The following COL21A1 variants were observed in gnomAD, a reference collection of about 807,000 sequenced individuals.
COL21A1 encodes collagen type XXI alpha 1 chain, also known as collagen alpha-1(XXI) chain.
COL21A1 carries 149 observed loss-of-function variants against 137.9 expected under a neutral mutation model. The observed-to-expected ratio is 1.08, with a 90% CI of 0.95 to 1.24. The LOEUF is 1.24. Ranked by LOEUF, COL21A1 falls within the 50% of genes most tolerant of loss-of-function variation. The probability of loss-of-function intolerance (pLI) is 0.00; values close to 1 mark genes in which losing one functional copy is unlikely to be tolerated. For missense variants in COL21A1, 1,167 were observed against 1,158.4 expected (o/e 1.01, Z -0.11); for synonymous variants, 456 against 391.5 (o/e 1.16, Z -1.95).
At chr6:56,200,761 C>T (rs559986887) in intron 1 of COL21A1, among the ~76,000 whole-genome samples, 2 of 152,186 alleles carry the variant, frequency 1.3e-5, no homozygotes, top group South Asian at 2.1e-4. Context: ...CTGCAATAAA[C>T]ATATGGGTGC....
intron 17 of COL21A1, among the ~76,000 whole-genome samples, chr6:56,096,256 T>C (rs957514860): frequency 3.3e-5 from 5 of 152,178 alleles, no homozygotes; most frequent in African/African-American, 1.2e-4. Flanking sequence ...CCTATGTTCA[T>C]ACCATTCATA....
At chr6:56,086,267 T>G (rs1416234897) in intron 17 of COL21A1, among the ~76,000 whole-genome samples, 1 of 152,060 alleles carries the variant, frequency 6.6e-6, no homozygotes, top group Admixed American at 6.6e-5. Flanking sequence ...ACACGATTTT[T>G]ATATACAGTT....
chr6:56,057,782 T>C lies in COL21A1; in HGVS notation c.2749A>G (p.Lys917Glu), dbSNP rs1162759515. Residue 917 changes from lysine to glutamate, a missense_variant, in exon 30 of 30, where the codon AAA becomes GAA. Lys to Glu is a moderately conservative substitution (Grantham distance 56). Transcript: ENST00000244728. Reference sequence around the variant, plus strand: ...CCAGGTTTTCCATGGTCTCCATCTTTGCCAGGGAGACCTGGGTCTCCTGGA... The same window carrying C: ...CCAGGTTTTCCATGGTCTCCATCTTCGCCAGGGAGACCTGGGTCTCCTGGA... ...GPPGDPGLPG[K>E]DGDHGKPGIQ... 12 of 1,606,666 alleles carry C rather than the reference T, an allele frequency of 7.5e-6. No individual in the cohort carries two copies. The highest frequency in any genetic ancestry group is 9.3e-6 in the Non-Finnish European group (11 of 1,176,774).
At chr6:56,255,481 C>G (rs574263883) in intron 1 of COL21A1, among the ~76,000 whole-genome samples, 2 of 151,990 alleles carry the variant, frequency 1.3e-5, no homozygotes, top group Non-Finnish European at 2.9e-5. Context: ...ATCTCTAGAA[C>G]TTGTCTTCAG....
chr6:56,292,257 T>A (rs978364853), intron 1 of COL21A1, among the ~76,000 whole-genome samples: 4 of 152,200 alleles, frequency 2.6e-5, no homozygotes, highest in African/African-American at 9.6e-5. Flanking sequence ...TTAGATATTT[T>A]CTTGCCTGTT....
intron 1 of COL21A1, among the ~76,000 whole-genome samples, chr6:56,224,318 G>A (rs557553685): frequency 6.6e-6 from 1 of 152,178 alleles, no homozygotes; most frequent in African/African-American, 2.4e-5. Context: ...AAAATCTCAG[G>A]CTCATAGTTC....
At chr6:56,356,802 A>G (rs1322543892) in intron 1 of COL21A1, among the ~76,000 whole-genome samples, 1 of 152,204 alleles carries the variant, frequency 6.6e-6, no homozygotes. Context: ...CAAAAATAAC[A>G]TCAAAAGTTC....
chr6:56,235,357 C>A, intron 1 of COL21A1, among the ~76,000 whole-genome samples: 1 of 151,846 alleles, frequency 6.6e-6, no homozygotes, highest in Non-Finnish European at 1.5e-5. Context: ...TTTGTTTTGA[C>A]TGGATCTGAA....
At chr6:56,154,811 C>T (rs998372678) in intron 10 of COL21A1, among the ~76,000 whole-genome samples, 9 of 152,192 alleles carry the variant, frequency 5.9e-5, no homozygotes, top group Non-Finnish European at 8.8e-5. Context: ...GCCCCAACAA[C>T]CACACAACAT....
At chr6:56,069,792 CTTA>C (rs1766588841) in intron 21 of COL21A1, among the ~76,000 whole-genome samples, 1 of 150,542 alleles carries the variant, frequency 6.6e-6, no homozygotes, top group East Asian at 1.9e-4. Flanking sequence ...TAATAAAATT[CTTA>C]TTGTTAAACA....
At chr6:56,099,344 C>A (rs572586288) in intron 17 of COL21A1, among the ~76,000 whole-genome samples, 3 of 151,124 alleles carry the variant, frequency 2.0e-5, no homozygotes, top group African/African-American at 4.9e-5. Flanking sequence ...CACCATTCTC[C>A]GGCCTCAGCC....
At chr6:56,160,958 G>A (rs2152264305) in intron 9 of COL21A1, among the ~76,000 whole-genome samples, 1 of 152,236 alleles carries the variant, frequency 6.6e-6, no homozygotes, top group South Asian at 2.1e-4. Context: ...TCTGACCTAA[G>A]ACCTATTCCA....
chr6:56,343,251 C>CA (rs1365455965), intron 1 of COL21A1, among the ~76,000 whole-genome samples: 1 of 152,020 alleles, frequency 6.6e-6, no homozygotes, highest in Non-Finnish European at 1.5e-5. Flanking sequence ...AAAAGATCCA[C>CA]AAAAAAGCTT....
At chr6:56,079,898 T>C (rs1767597098) in intron 17 of COL21A1, among the ~76,000 whole-genome samples, 1 of 151,538 alleles carries the variant, frequency 6.6e-6, no homozygotes, top group African/African-American at 2.4e-5. Context: ...AAACAAAACA[T>C]AGGCCTGATT....
At chr6:56,068,759 G>GA (rs533879912) in intron 22 of COL21A1, 167 of 210,680 alleles carry the variant, frequency 7.9e-4, no homozygotes, top group African/African-American at 3.5e-3. Flanking sequence ...CCTGGTTTGT[G>GA]AAAAAAACCT....
chr6:56,164,929 A>C, intron 7 of COL21A1, 107 bp from the exon 8 acceptor site: 2 of 939,464 alleles, frequency 2.1e-6, no homozygotes, highest in Non-Finnish European at 1.5e-6. Flanking sequence ...TATATGAAGT[A>C]TGAAAACCAA....
At chr6:56,069,635 G>C (rs770093960) in intron 21 of COL21A1, among the ~76,000 whole-genome samples, 6 of 149,484 alleles carry the variant, frequency 4.0e-5, no homozygotes, top group Non-Finnish European at 8.9e-5. Context: ...CACATATATA[G>C]TTAATAAAAT....
At chr6:56,276,945 C>G (rs1489288697) in intron 1 of COL21A1, 1 of 355,610 alleles carries the variant, frequency 2.8e-6, no homozygotes, top group East Asian at 5.1e-5. Flanking sequence ...GTAGCTGGGA[C>G]TACAGGCGCA....
intron 20 of COL21A1, among the ~76,000 whole-genome samples, chr6:56,073,396 T>C (rs888454644): frequency 2.6e-5 from 4 of 151,458 alleles, no homozygotes; most frequent in Non-Finnish European, 5.9e-5. Context: ...CCCATGTCTT[T>C]TTTTTCTCTC....
Sources: gnomAD v4.1 joint callset for allele counts (sites outside exome capture counted in the v4.1 genomes callset) on GRCh38, gnomAD v4.1.1 for gene constraint, MANE v1.5 for transcripts, NCBI Gene and HGNC (gene_info 2026-07-23, HGNC 2026-07-21) for gene names.